Variants in GOLGA2 observed in about 807,000 individuals in gnomAD.
GOLGA2 encodes the protein golgin A2.
A neutral mutation model predicts 148.8 loss-of-function variants in GOLGA2; 49 were observed. The observed-to-expected ratio is 0.33, with a 90% CI of 0.26 to 0.42. GOLGA2 has a LOEUF of 0.42. Among genes scored for constraint, GOLGA2 ranks in the 10% least tolerant of loss-of-function variants. The pLI, the probability that GOLGA2 is intolerant of heterozygous loss-of-function variation, is 1.00. For synonymous variants in GOLGA2, 501 were observed against 511.8 expected, an observed-to-expected ratio of 0.98 and a Z score of 0.28; for missense variants, 1,178 against 1,304.6, an observed-to-expected ratio of 0.90 and a Z score of 1.49.
Position 128,258,294 on chromosome 9 carries a change from G to T in GOLGA2, c.2290-96C>A. The T allele has an allele frequency of 1.8e-6, 2 of 1,137,512 alleles. No individual in the cohort carries two copies. The highest frequency in any genetic ancestry group is 2.6e-6 in the Non-Finnish European group (2 of 779,058). The allele number at this position is 1,137,512 out of a possible 1,614,324, so 70.5% of individuals were successfully genotyped here. On this transcript the variant is annotated intron_variant, in intron 22 of 26. Coordinates refer to ENST00000611957, the MANE Select transcript of GOLGA2 (RefSeq NM_001366244.2). The surrounding 1 kb of genome is among the most constrained non-coding windows in gnomAD (Gnocchi z 6.6). ...CCCTTCCCTTGGGGCCTCAGAGGGT[G>T]CACTTGTTGGTCCCAAGTGAAATGG...
rs561110056 is a variant in GOLGA2, at chr9:128,266,242, C to T, written c.681+45G>A. The stretch of plus-strand genomic sequence containing the variant: ...GAGGCCTCTACATTTGAATGCCCCC[C>T]AAACCCAGCAGTCATGTTGTGAGCA... On this transcript the variant is annotated intron_variant, in intron 9 of 26. Coordinates refer to ENST00000611957, the MANE Select transcript of GOLGA2 (RefSeq NM_001366244.2). This position sits in a 1 kb window ranked among gnomAD's most constrained non-coding sequence, Gnocchi z 4.2. 12 of 1,565,082 alleles carry T rather than the reference C, an allele frequency of 7.7e-6. No homozygotes were observed. In the South Asian group the frequency reaches 1.2e-4, roughly 16 times the overall value.
chr9:128,267,308 G>A (rs570251496), intron 7 of GOLGA2, 34 bp from the exon 8 acceptor site: 1 of 1,492,392 alleles, frequency 6.7e-7, no homozygotes, highest in East Asian at 2.3e-5. Context: ...AGTTGGAGGA[G>A]GATTGGGGGG....
In GOLGA2 at chr9:128,265,808, T is replaced by A; in HGVS notation, c.806A>T (p.His269Leu). Reference sequence around the variant, plus strand: ...CCCACCTTCTTTCTGCCTGGCAGCATGCTGAGTGTGAGCCAGGGCTGTCTG... The same window carrying A: ...CCCACCTTCTTTCTGCCTGGCAGCAAGCTGAGTGTGAGCCAGGGCTGTCTG... ...ELQTALAHTQHAARQKEGESE... is the reference protein window; with the variant it reads ...ELQTALAHTQLAARQKEGESE... The change falls in exon 11 of 27, where the codon CAT becomes CTT. Residue 269 changes from histidine (H) to leucine (L), a missense_variant. Coordinates refer to ENST00000611957, the MANE Select transcript of GOLGA2 (RefSeq NM_001366244.2). The A allele has an allele frequency of 6.2e-7, 1 of 1,613,830 alleles. No homozygotes were observed. The highest frequency in any genetic ancestry group is 8.5e-7 in the Non-Finnish European group (1 of 1,179,640).
At position 128,257,019 on chromosome 9, in the gene GOLGA2, A is replaced by T. The variant is rs780249195; in HGVS notation, c.*48T>A. ...GGGATGGTAGGGATATGGTGGGGGC[A>T]GGGTATCCAGCCCCACTTCTTCAGG... On this transcript the variant is annotated 3_prime_UTR_variant, in exon 27 of 27. Transcript: ENST00000611957. The surrounding 1 kb of genome is among the most constrained non-coding windows in gnomAD (Gnocchi z 8.0). The T allele has an allele frequency of 8.2e-6, 11 of 1,337,028 alleles. No individual in the cohort carries two copies. In the Admixed American group the frequency reaches 1.4e-4, roughly 17 times the overall value. 82.8% of individuals were successfully genotyped at this position (1,337,028 alleles called of 1,614,324 possible).
At chr9:128,267,699 C>A (rs1011427198) in intron 6 of GOLGA2, among the ~76,000 whole-genome samples, 182 bp from the exon 7 acceptor site, 1 of 152,186 alleles carries the variant, frequency 6.6e-6, no homozygotes, top group Non-Finnish European at 1.5e-5. Context: ...TCCTCCCGAG[C>A]AGCTCTCATC....
Position 128,260,761 on chromosome 9 carries a change from C to A in GOLGA2, c.1462G>T (p.Val488Leu). ...PPEPPAGPSE[V>L]EQQLQAEAEH... is the part of the protein sequence containing the mutation. ...GCCTCCGCTTGTAGCTGCTGCTCCA[C>A]CTCGGAGGGCCCTGCTGGGGGCTCT... The change falls in exon 18 of 27, where the codon GTG becomes TTG. Residue 488 changes from valine to leucine, a missense_variant. This residue lies in a region of GOLGA2 where 529 missense variants were observed against 521.8 expected (regional missense o/e 1.01). Coordinates refer to ENST00000611957, the MANE Select transcript of GOLGA2 (RefSeq NM_001366244.2). The surrounding 1 kb of genome is among the most constrained non-coding windows in gnomAD (Gnocchi z 4.8). The A allele has an allele frequency of 1.9e-6, 3 of 1,612,238 alleles. No individual in the cohort carries two copies. Among genetic ancestry groups the A allele is most frequent in the Non-Finnish European group, 1.7e-6 (2 of 1,179,546 alleles).
Position 128,261,640 on chromosome 9 carries a change from T to C in GOLGA2, c.1224+28A>G. The C allele has an allele frequency of 1.3e-6, 2 of 1,561,072 alleles. No homozygotes were observed. The highest frequency in any genetic ancestry group is 3.4e-4 in the Middle Eastern group (2 of 5,970). On this transcript the variant is annotated intron_variant, in intron 15 of 26. Transcript: ENST00000611957. This position sits in a 1 kb window ranked among gnomAD's most constrained non-coding sequence, Gnocchi z 5.7. ...CCTGGCCACCTGGGGTCATCTTCCT[T>C]CTACATCCCTCCCCTGCAAAGCCTC...
Position 128,259,400 on chromosome 9 carries a change from A to G in GOLGA2, c.1873-9T>C. ...TGGCTCTTCAGCTCCACCTGTAGGA[A>G]GACCCTGGGCGTGAGGGCAGGTGGT... On this transcript the variant is annotated splice_polypyrimidine_tract_variant and intron_variant, in intron 19 of 26. Coordinates refer to ENST00000611957, the MANE Select transcript of GOLGA2 (RefSeq NM_001366244.2). 4.5e-6 allele frequency: 7 copies of G among 1,555,442 alleles called. No individual in the cohort carries two copies. Among genetic ancestry groups the G allele is most frequent in the Non-Finnish European group, 6.1e-6 (7 of 1,145,338 alleles).
chr9:128,269,725 G>T lies in GOLGA2; in HGVS notation c.289-1201C>A, dbSNP rs190882077. Among the ~76,000 whole-genome samples the T allele has an allele frequency of 1.6e-3, 237 of 152,300 alleles. 1 individual carries two copies. Among genetic ancestry groups the T allele is most frequent in the Non-Finnish European group, 3.0e-3 (206 of 68,028 alleles). On this transcript the variant is annotated intron_variant, in intron 3 of 26. Coordinates refer to ENST00000611957, the MANE Select transcript of GOLGA2 (RefSeq NM_001366244.2). ...AGCTGGACAAGAGAAAAACACCAGG[G>T]AGCCAGGGCCTGGCCACGGAAGCTG... is the stretch of plus-strand genomic sequence containing the variant.
At chr9:128,275,267 G>C in intron 1 of GOLGA2, 3 of 637,140 alleles carry the variant, frequency 4.7e-6, no homozygotes, top group Non-Finnish European at 7.6e-6. Context: ...CCAGAAGCGG[G>C]ATGAGAACAC....
At chr9:128,259,483 C>T in intron 19 of GOLGA2, 92 bp from the exon 20 acceptor site, 2 of 774,334 alleles carry the variant, frequency 2.6e-6, no homozygotes, top group South Asian at 1.7e-5. Flanking sequence ...GTCACCTGCC[C>T]AGACCTCTGG....
intron 20 of GOLGA2, 39 bp downstream of exon 20, chr9:128,259,128 T>C: frequency 1.9e-6 from 3 of 1,602,022 alleles, no homozygotes; most frequent in Non-Finnish European, 2.6e-6. Context: ...GGTTGCCAGG[T>C]TGTCCCCCTC....
At chr9:128,270,708 A>C (rs1421509754) in intron 3 of GOLGA2, among the ~76,000 whole-genome samples, 6 of 152,130 alleles carry the variant, frequency 3.9e-5, no homozygotes, top group Admixed American at 3.9e-4. Flanking sequence ...TTAAAAAAAA[A>C]CAAAACCTAC....
At position 128,257,844 on chromosome 9, in the gene GOLGA2, C is replaced by T. The variant is rs753852282; in HGVS notation, c.2557G>A (p.Val853Ile). ...MQEKADLKERVEELEHRCIQL... is the reference protein window; with the variant it reads ...MQEKADLKERIEELEHRCIQL... ...ATGCAGCGATGTTCCAGTTCCTCTA[C>T]CCTCTCCTTCAGGTCTGCCTTCTCC... Residue 853 changes from valine (V) to isoleucine (I), a missense_variant, in exon 24 of 27, where the codon GTA becomes ATA. Val to Ile is a conservative substitution (Grantham distance 29, BLOSUM62 3). This residue lies in a region of GOLGA2 where 529 missense variants were observed against 521.8 expected (regional missense o/e 1.01). Coordinates refer to ENST00000611957, the MANE Select transcript of GOLGA2 (RefSeq NM_001366244.2). The surrounding 1 kb of genome is among the most constrained non-coding windows in gnomAD (Gnocchi z 8.0). 2 of 1,614,180 alleles carry T rather than the reference C, an allele frequency of 1.2e-6. No homozygotes were observed. Among genetic ancestry groups the T allele is most frequent in the South Asian group, 2.2e-5 (2 of 91,082 alleles).
intron 3 of GOLGA2, among the ~76,000 whole-genome samples, chr9:128,270,698 T>C (rs959018214): frequency 6.6e-6 from 1 of 151,488 alleles, no homozygotes; most frequent in African/African-American, 2.4e-5. Flanking sequence ...AAATGAGAAA[T>C]TAAAAAAAAA....
rs1030650360 is a variant in GOLGA2 at position 128,261,819 on chromosome 9, C to T, written c.1135-62G>A. The T allele has an allele frequency of 7.9e-6, 8 of 1,010,702 alleles. No individual in the cohort carries two copies. Among genetic ancestry groups the T allele is most frequent in the Admixed American group, 5.1e-5 (3 of 58,544 alleles). 62.6% of individuals were successfully genotyped at this position (1,010,702 alleles called of 1,614,324 possible). A position where few individuals can be genotyped will look rare whatever the true frequency, so the allele number is the denominator to read the frequency against. On this transcript the variant is annotated intron_variant, in intron 14 of 26. Transcript: ENST00000611957. This position sits in a 1 kb window ranked among gnomAD's most constrained non-coding sequence, Gnocchi z 5.7. ...GCCCAGGCCGTTCCAAATAGTGCCC[C>T]TTAAAAGGGCTAGGGCTAGGCTCAA...
At position 128,266,377 on chromosome 9, in the gene GOLGA2, T is replaced by C; in HGVS notation, c.643-52A>G. ...ACTGAGGGTGGCCCCCTCAACTCTA[T>C]TCCCCAGACCAGGAACGGGTAGGCA... On this transcript the variant is annotated intron_variant, in intron 8 of 26. Transcript: ENST00000611957. This position sits in a 1 kb window ranked among gnomAD's most constrained non-coding sequence, Gnocchi z 4.2. 2 of 1,517,192 alleles carry C rather than the reference T, an allele frequency of 1.3e-6. No individual in the cohort carries two copies. The highest frequency in any genetic ancestry group is 2.2e-5 in the South Asian group (2 of 89,094). 94.0% of individuals were successfully genotyped at this position (1,517,192 alleles called of 1,614,324 possible). A position where few individuals can be genotyped will look rare whatever the true frequency, so the allele number is the denominator to read the frequency against.
rs369651276 is a variant in GOLGA2, at chr9:128,260,814, C to G, written c.1421-12G>C. 9 of 1,563,916 alleles carry G rather than the reference C, an allele frequency of 5.8e-6. No homozygotes were observed. The East Asian group carries it at 6.7e-5, about 12-fold the overall frequency. On this transcript the variant is annotated splice_polypyrimidine_tract_variant and intron_variant, in intron 17 of 26. Transcript: ENST00000611957. This position sits in a 1 kb window ranked among gnomAD's most constrained non-coding sequence, Gnocchi z 4.8. ...GGGCGGGGGTTCAGCTGAGAAAGGA[C>G]GCAGACAATAAAAGCCTCTGGATTC... is the stretch of plus-strand genomic sequence containing the variant.
chr9:128,266,416 GAT>G lies in GOLGA2; in HGVS notation c.643-93_643-92del, dbSNP rs1245894735. 8.9e-7 allele frequency: 1 copy of G among 1,127,182 alleles called. No individual in the cohort carries two copies. Among genetic ancestry groups the G allele is most frequent in the Non-Finnish European group, 1.3e-6 (1 of 750,672 alleles). 69.8% of individuals were successfully genotyped at this position (1,127,182 alleles called of 1,614,324 possible). On this transcript the variant is annotated intron_variant, in intron 8 of 26. Coordinates refer to ENST00000611957, the MANE Select transcript of GOLGA2 (RefSeq NM_001366244.2). The surrounding 1 kb of genome is among the most constrained non-coding windows in gnomAD (Gnocchi z 4.2). The stretch of plus-strand genomic sequence containing the variant: ...AACGGGTAGGCAGGGGCCAGGAATG[GAT>G]TTTAAAGGCAAAGTTCTCAGACCCA...
Sources: gnomAD v4.1 joint callset for allele counts (sites outside exome capture counted in the v4.1 genomes callset) on GRCh38, gnomAD v4.1.1 for gene constraint, gnomAD v4.1.1 regional missense constraint, Gnocchi (gnomAD v3.1) non-coding constraint, MANE v1.5 for transcripts, NCBI Gene and HGNC (gene_info 2026-07-23, HGNC 2026-07-21) for gene names.